The following SENP6 variants were observed in gnomAD, a reference collection of about 807,000 sequenced individuals.
The protein encoded by SENP6 is SUMO specific peptidase 6.
Under a neutral mutation model 134.5 loss-of-function variants are expected in SENP6, and 41 were observed. The observed-to-expected ratio is 0.30, with a 90% CI of 0.24 to 0.40. The LOEUF (loss-of-function observed/expected upper bound fraction) is 0.40, where lower values mean the gene tolerates loss of function less well. SENP6 is among the 10% of genes least tolerant of loss of function. The pLI is 1.00. For synonymous variants in SENP6, 395 were observed against 429.8 expected (o/e 0.92, Z 1.00); for missense variants, 1,248 against 1,312.5 (o/e 0.95, Z 0.76).
intron 3 of SENP6, among the ~76,000 whole-genome samples, chr6:75,624,414 C>G (rs1162741063): frequency 6.6e-6 from 1 of 152,074 alleles, no homozygotes; most frequent in Non-Finnish European, 1.5e-5. Flanking sequence ...TGCACACATA[C>G]AAGCGTATCT....
intron 16 of SENP6, among the ~76,000 whole-genome samples, chr6:75,684,548 T>C (rs1430704271): frequency 6.6e-6 from 1 of 152,184 alleles, no homozygotes; most frequent in East Asian, 1.9e-4. Context: ...CATAAATAGC[T>C]CTTATTATTT....
intron 3 of SENP6, among the ~76,000 whole-genome samples, chr6:75,631,299 A>G (rs1769097508): frequency 6.6e-6 from 1 of 152,204 alleles, no homozygotes; most frequent in East Asian, 1.9e-4. Context: ...GGAAGATAAC[A>G]TTGATAATTT....
intron 13 of SENP6, 48 bp downstream of exon 13, chr6:75,676,102 T>C: frequency 1.6e-6 from 2 of 1,273,518 alleles, no homozygotes; most frequent in Non-Finnish European, 2.1e-6. Context: ...GATACTGTAT[T>C]TACAATATCT....
chr6:75,624,934 A>G (rs764954334), intron 3 of SENP6, among the ~76,000 whole-genome samples: 2 of 152,132 alleles, frequency 1.3e-5, no homozygotes, highest in Non-Finnish European at 2.9e-5. Context: ...GGAGTTTGAG[A>G]CTACCTGGAC....
At chr6:75,709,406 G>A (rs1316185401) in intron 19 of SENP6, 121 bp from the exon 20 acceptor site, 1 of 589,634 alleles carries the variant, frequency 1.7e-6, no homozygotes, top group Non-Finnish European at 2.9e-6. Context: ...TACACACTAA[G>A]GCAGATTTTG....
intron 18 of SENP6, among the ~76,000 whole-genome samples, chr6:75,702,093 A>C (rs2149899389): frequency 6.6e-6 from 1 of 152,280 alleles, no homozygotes; most frequent in East Asian, 1.9e-4. Flanking sequence ...TGTTTGCAAA[A>C]GTAAATACAG....
rs1767107335 is a variant in SENP6, at chr6:75,607,403, AT to A, written c.52+4828del. Reference sequence around the variant, plus strand: ...TTGGAATAGAGGACAAAGGTGATTGATGGTGGCTAGCTTGTTCCTATAAACT... The same window carrying A: ...TTGGAATAGAGGACAAAGGTGATTGAGGTGGCTAGCTTGTTCCTATAAACT... On this transcript the variant is annotated intron_variant, in intron 1 of 23. Transcript: ENST00000447266. 3.3e-5 allele frequency among the ~76,000 whole-genome samples: 5 copies of A among 152,156 alleles called. No homozygotes were observed. In the South Asian group the frequency reaches 8.3e-4, roughly 25 times the overall value.
chr6:75,658,775 C>T (rs956180343), intron 7 of SENP6, among the ~76,000 whole-genome samples: 1 of 151,456 alleles, frequency 6.6e-6, no homozygotes, highest in Non-Finnish European at 1.5e-5. Flanking sequence ...AGAAGGAAAC[C>T]AGCCTGGGCA....
intron 1 of SENP6, among the ~76,000 whole-genome samples, chr6:75,608,480 AAAG>A (rs1767194137): frequency 6.6e-6 from 1 of 151,752 alleles, no homozygotes. Context: ...AGGGAGGGAG[AAAG>A]AAAGAAGAGG....
At chr6:75,621,196 G>C (rs1768242052) in intron 1 of SENP6, among the ~76,000 whole-genome samples, 1 of 152,116 alleles carries the variant, frequency 6.6e-6, no homozygotes, top group Non-Finnish European at 1.5e-5. Context: ...ACTATTTATA[G>C]GTACTTATTT....
intron 19 of SENP6, among the ~76,000 whole-genome samples, chr6:75,705,010 A>G (rs1208801190): frequency 6.6e-6 from 1 of 152,220 alleles, no homozygotes; most frequent in Non-Finnish European, 1.5e-5. Context: ...GCAATTGTTC[A>G]GGGTACAGGC....
chr6:75,615,984 C>G (rs192245074), intron 1 of SENP6, among the ~76,000 whole-genome samples: 157 of 152,270 alleles, frequency 1.0e-3, no homozygotes, highest in Non-Finnish European at 1.7e-3. Context: ...TATACTAGTT[C>G]CTATTCATCC....
chr6:75,637,641 T>G (rs769731428), intron 5 of SENP6, among the ~76,000 whole-genome samples: 4 of 152,136 alleles, frequency 2.6e-5, no homozygotes, highest in African/African-American at 7.2e-5. Context: ...TGACTTTTTA[T>G]TAAGTATAGA....
chr6:75,663,547 T>G, intron 9 of SENP6, 29 bp downstream of exon 9: 1 of 1,526,732 alleles, frequency 6.5e-7, no homozygotes, highest in Non-Finnish European at 8.9e-7. Context: ...TTAATATTGC[T>G]TATATCAATC....
intron 16 of SENP6, among the ~76,000 whole-genome samples, chr6:75,683,828 C>T (rs957553823): frequency 2.0e-5 from 3 of 152,222 alleles, no homozygotes; most frequent in South Asian, 2.1e-4. Context: ...AGTCAGGTAG[C>T]GTGATGCCTC....
chr6:75,640,610 G>A (rs1035242610), intron 5 of SENP6, 74 bp from the exon 6 acceptor site: 11 of 932,570 alleles, frequency 1.2e-5, no homozygotes, highest in Non-Finnish European at 1.5e-5. Context: ...AATGACTATA[G>A]TTACTGCAAC....
chr6:75,661,660 C>T (rs989681500), intron 8 of SENP6, among the ~76,000 whole-genome samples: 4 of 152,220 alleles, frequency 2.6e-5, no homozygotes, highest in Non-Finnish European at 5.9e-5. Flanking sequence ...TTGTAGCCAG[C>T]CTCTATGTAA....
Position 75,703,009 on chromosome 6 carries a change from G to A in SENP6, c.2653G>A (p.Ala885Thr). The change falls in exon 19 of 24, where the codon GCT becomes ACT. Residue 885 changes from alanine to threonine, a missense_variant. Physicochemically the swap from Ala to Thr is moderately conservative, Grantham distance 58. Around this residue, in one of 3 missense-constraint regions of SENP6, gnomAD observed 386 missense variants for 395.0 expected, o/e 0.98. Transcript: ENST00000447266. ...NKGESTSQKV[A>T]DRTKSENGLQ... ...AGGAGAATCTACATCCCAGAAAGTTGCTGATAGGACTAAAAGTGAGAATGG... is the reference window on the plus strand; with the variant it reads ...AGGAGAATCTACATCCCAGAAAGTTACTGATAGGACTAAAAGTGAGAATGG... 6.2e-7 allele frequency: 1 copy of A among 1,613,866 alleles called. No homozygotes were observed. The highest frequency in any genetic ancestry group is 1.3e-5 in the African/African-American group (1 of 74,982).
At chr6:75,678,293 TTTTA>T (rs1318860637) in intron 14 of SENP6, 1 of 235,130 alleles carries the variant, frequency 4.3e-6, no homozygotes, top group Non-Finnish European at 8.0e-6. Flanking sequence ...GTTATTTGAA[TTTTA>T]CCAGCATTAT....
Sources: allele counts gnomAD v4.1 joint callset (sites outside exome capture counted in the v4.1 genomes callset), GRCh38; gene constraint gnomAD v4.1.1; regional missense constraint gnomAD v4.1.1; transcripts MANE v1.5; gene names NCBI Gene and HGNC (gene_info 2026-07-23, HGNC 2026-07-21).